Variants in RAD51B observed in about 807,000 individuals in gnomAD.
RAD51B encodes the protein DNA repair protein RAD51 homolog 2.
Under a neutral mutation model 42.2 loss-of-function variants are expected in RAD51B, and 38 were observed. The observed-to-expected ratio is 0.90, with a 90% CI of 0.70 to 1.18. RAD51B has a LOEUF of 1.18. Among genes scored for constraint, RAD51B ranks in the 50% most tolerant of loss-of-function variants. The pLI is 0.00. For missense variants in RAD51B, 373 were observed against 400.7 expected (o/e 0.93, Z 0.59); for synonymous variants, 154 against 145.2 (o/e 1.06, Z -0.43).
At chr14:68,422,804 T>G (rs1301642508) in intron 9 of RAD51B, among the ~76,000 whole-genome samples, 5 of 152,192 alleles carry the variant, frequency 3.3e-5, no homozygotes, top group African/African-American at 1.2e-4. Flanking sequence ...AATTTGGAAT[T>G]TTCAGTTACT....
intron 7 of RAD51B, among the ~76,000 whole-genome samples, chr14:68,290,030 G>A (rs1368357616): frequency 2.0e-5 from 3 of 152,110 alleles, no homozygotes; most frequent in Non-Finnish European, 2.9e-5. Flanking sequence ...TTGCCGTCCC[G>A]GTCCCTCTCA....
intron 9 of RAD51B, among the ~76,000 whole-genome samples, chr14:68,446,189 C>T (rs2085416622): frequency 6.6e-6 from 1 of 152,180 alleles, no homozygotes; most frequent in African/African-American, 2.4e-5. Context: ...TTTACAATAA[C>T]ACTGTGAAGT....
At chr14:68,456,457 C>T (rs1265891900) in intron 9 of RAD51B, among the ~76,000 whole-genome samples, 1 of 152,060 alleles carries the variant, frequency 6.6e-6, no homozygotes, top group African/African-American at 2.4e-5. Context: ...ACAGATTAGA[C>T]TGTAAGACAA....
intron 7 of RAD51B, among the ~76,000 whole-genome samples, chr14:67,904,415 T>C (rs1401378783): frequency 2.0e-5 from 3 of 152,072 alleles, no homozygotes; most frequent in Non-Finnish European, 4.4e-5. Flanking sequence ...GCATCTATTA[T>C]TTTTTGAGTT....
At chr14:67,830,792 T>C (rs2041009844) in intron 3 of RAD51B, among the ~76,000 whole-genome samples, 1 of 151,974 alleles carries the variant, frequency 6.6e-6, no homozygotes, top group Non-Finnish European at 1.5e-5. Flanking sequence ...GACTTTTGCT[T>C]TGAGAAACTG....
chr14:67,834,478 A>G (rs1236184108), intron 3 of RAD51B, among the ~76,000 whole-genome samples: 1 of 152,114 alleles, frequency 6.6e-6, no homozygotes, highest in Non-Finnish European at 1.5e-5. Context: ...TAACTTGTTC[A>G]TGTCACTCCT....
At chr14:68,303,785 A>C (rs997642919) in intron 8 of RAD51B, among the ~76,000 whole-genome samples, 1 of 152,230 alleles carries the variant, frequency 6.6e-6, no homozygotes. Context: ...CCCTCCATTT[A>C]TCAAGGCGCC....
At chr14:68,421,049 G>A (rs2084686142) in intron 9 of RAD51B, among the ~76,000 whole-genome samples, 1 of 152,208 alleles carries the variant, frequency 6.6e-6, no homozygotes, top group African/African-American at 2.4e-5. Flanking sequence ...AAAACTTAGT[G>A]AGTTATGTAT....
At chr14:67,835,760 C>T (rs1301785567) in intron 4 of RAD51B, among the ~76,000 whole-genome samples, 1 of 151,810 alleles carries the variant, frequency 6.6e-6, no homozygotes, top group African/African-American at 2.4e-5. Context: ...CCTAGCTACT[C>T]AGGAGGCTGA....
chr14:68,068,622 G>GTA (rs1451304305), intron 7 of RAD51B, among the ~76,000 whole-genome samples: 1 of 152,098 alleles, frequency 6.6e-6, no homozygotes, highest in African/African-American at 2.4e-5. Context: ...ATTCTCTTGG[G>GTA]TGTATAGCTG....
chr14:68,663,659 A>G (rs2877497), intron 11 of RAD51B, among the ~76,000 whole-genome samples: 121,298 of 152,182 alleles, frequency 0.8, 48,435 homozygotes, highest in East Asian at 0.86. Context: ...CAATACACTC[A>G]TATTTTGAGT....
intron 10 of RAD51B, among the ~76,000 whole-genome samples, chr14:68,561,208 A>C (rs1594974724): frequency 6.6e-6 from 1 of 152,274 alleles, no homozygotes; most frequent in Middle Eastern, 3.4e-3. Context: ...CGCTTCCACA[A>C]CGTCTGGTGA....
intron 7 of RAD51B, among the ~76,000 whole-genome samples, chr14:67,897,968 T>C (rs2043479968): frequency 6.6e-6 from 1 of 152,062 alleles, no homozygotes; most frequent in Non-Finnish European, 1.5e-5. Flanking sequence ...TCACTTTTGG[T>C]GGGAATGTAA....
At chr14:67,946,835 G>A (rs899020986) in intron 7 of RAD51B, among the ~76,000 whole-genome samples, 1 of 152,178 alleles carries the variant, frequency 6.6e-6, no homozygotes, top group Non-Finnish European at 1.5e-5. Flanking sequence ...CTTTGCATAT[G>A]TTCTCCTGAG....
At chr14:67,840,712 C>A (rs1435111768) in intron 4 of RAD51B, among the ~76,000 whole-genome samples, 1 of 152,078 alleles carries the variant, frequency 6.6e-6, no homozygotes, top group African/African-American at 2.4e-5. Flanking sequence ...CTCCAAACTC[C>A]TTTGCACAGT....
Position 68,005,020 on chromosome 14 carries a change from C to G in RAD51B, c.756+117816C>G, listed in dbSNP as rs143528566. Among the ~76,000 whole-genome samples, 396 of 131,508 alleles carry G rather than the reference C, an allele frequency of 3.0e-3. 2 individuals carry two copies. The highest frequency in any genetic ancestry group is 0.011 in the African/African-American group (381 of 34,358). The allele number at this position is 131,508 out of a possible 152,430, so 86.3% of individuals were successfully genotyped here. On this transcript the variant is annotated intron_variant, in intron 7 of 10. Coordinates refer to ENST00000471583, the MANE Select transcript of RAD51B (RefSeq NM_133510.4). The stretch of plus-strand genomic sequence containing the variant: ...CATATTACATATTTATGTATCCATT[C>G]TACCATTCTACTGTGTGTGTGTGTG...
In RAD51B at chr14:68,268,143, A is replaced by G. The variant is rs935826738; in HGVS notation, c.757-23741A>G. On this transcript the variant is annotated intron_variant, in intron 7 of 10. Transcript: ENST00000471583. ...GCATTTCCTGCTGGCTAGAGAAGCCAGGTCAATTTTGTCCTACCATTCTGG... is the reference window on the plus strand; with the variant it reads ...GCATTTCCTGCTGGCTAGAGAAGCCGGGTCAATTTTGTCCTACCATTCTGG... Among the ~76,000 whole-genome samples, 5 of 152,178 alleles carry G rather than the reference A, an allele frequency of 3.3e-5. No homozygotes were observed. The East Asian group carries it at 9.6e-4, about 29-fold the overall frequency.
At chr14:68,273,626 G>C (rs988130194) in intron 7 of RAD51B, among the ~76,000 whole-genome samples, 11 of 152,162 alleles carry the variant, frequency 7.2e-5, no homozygotes. Context: ...GTGACCACTT[G>C]AGTGGGCACA....
At chr14:68,126,254 T>C (rs2077757458) in intron 7 of RAD51B, among the ~76,000 whole-genome samples, 1 of 152,250 alleles carries the variant, frequency 6.6e-6, no homozygotes, top group South Asian at 2.1e-4. Context: ...TCCCTTAGTT[T>C]ATGTAGCCTT....
Sources: gnomAD v4.1 joint callset for allele counts (sites outside exome capture counted in the v4.1 genomes callset) on GRCh38, gnomAD v4.1.1 for gene constraint, MANE v1.5 for transcripts, NCBI Gene and HGNC (gene_info 2026-07-23, HGNC 2026-07-21) for gene names.